The following GUCY1A1 variants were observed in gnomAD, a reference collection of about 807,000 sequenced individuals.
The protein encoded by GUCY1A1 is guanylate cyclase soluble subunit alpha-1.
A neutral mutation model predicts 64.5 loss-of-function variants in GUCY1A1; 48 were observed. The ratio of observed to expected loss-of-function variants is 0.74; its 90% CI spans 0.59 to 0.95. The LOEUF (loss-of-function observed/expected upper bound fraction) is 0.95, where lower values mean the gene tolerates loss of function less well. GUCY1A1 is among the 40% of genes least tolerant of loss of function. GUCY1A1 has a pLI of 0.00. For missense variants in GUCY1A1, 804 were observed against 825.3 expected, an observed-to-expected ratio of 0.97 and a Z score of 0.32; for synonymous variants, 308 against 303.4, an observed-to-expected ratio of 1.02 and a Z score of -0.16.
Position 155,713,163 on chromosome 4 carries a change from A to G in GUCY1A1, c.1152A>G (p.Ser384=). The G allele has an allele frequency of 6.2e-7, 1 of 1,613,846 alleles. No homozygotes were observed. The highest frequency in any genetic ancestry group is 1.1e-5 in the South Asian group (1 of 91,068). The change falls in exon 7 of 10, where the codon TCA becomes TCG. Residue 384 remains serine, a synonymous_variant. Coordinates refer to ENST00000506455, the MANE Select transcript of GUCY1A1 (RefSeq NM_001130682.3). ...CCAGTGCAATCTTGTTTTTGGGGTC[A>G]CCCTGTGTGGACAGATTAGAAGATT... ...VESSAILFLG[S]PCVDRLEDFT...
rs373007961 is a variant in GUCY1A1 at position 155,666,909 on chromosome 4, G to A, written c.-243G>A. On this transcript the variant is annotated 5_prime_UTR_variant, in exon 1 of 10. Transcript: ENST00000506455. The stretch of plus-strand genomic sequence containing the variant: ...ACAGACCCAGGCGGAGGACACCTGT[G>A]GGGGAGGGAGCGCCTGGAGGAGCTT... 6.6e-6 allele frequency: 1 copy of A among 152,300 alleles called. No individual in the cohort carries two copies. The highest frequency in any genetic ancestry group is 1.5e-5 in the Non-Finnish European group (1 of 68,178). 9.4% of individuals were successfully genotyped at this position (152,300 alleles called of 1,614,324 possible). A position where few individuals can be genotyped will look rare whatever the true frequency, so the allele number is the denominator to read the frequency against.
chr4:155,679,593 G>T (rs558912951), intron 2 of GUCY1A1, among the ~76,000 whole-genome samples: 1 of 152,112 alleles, frequency 6.6e-6, no homozygotes, highest in South Asian at 2.1e-4. Context: ...ACTGGCTATC[G>T]TGAGAACGGT....
chr4:155,674,603 C>T (rs1203047865), intron 2 of GUCY1A1, among the ~76,000 whole-genome samples: 1 of 151,230 alleles, frequency 6.6e-6, no homozygotes, highest in East Asian at 1.9e-4. Flanking sequence ...CAAAAACACA[C>T]ACCTTAGCAT....
At chr4:155,714,827 G>GA (rs1733025382) in intron 7 of GUCY1A1, among the ~76,000 whole-genome samples, 1 of 152,136 alleles carries the variant, frequency 6.6e-6, no homozygotes, top group South Asian at 2.1e-4. Flanking sequence ...TATACTTACA[G>GA]AAAAAATAAT....
chr4:155,711,288 T>G, intron 6 of GUCY1A1, 37 bp downstream of exon 6: 1 of 1,076,896 alleles, frequency 9.3e-7, no homozygotes. Flanking sequence ...ATATGAAAGC[T>G]ATTTCATATT....
chr4:155,730,651 A>G lies in GUCY1A1; in HGVS notation c.*420A>G, dbSNP rs1221099312. On this transcript the variant is annotated 3_prime_UTR_variant, in exon 10 of 10. Transcript: ENST00000506455. ...AAAAAGGTTTTTGAATAGAAATTAC[A>G]TTCTTTGACACCCTCAGTTCTTTCA... is the stretch of plus-strand genomic sequence containing the variant. 6.5e-6 allele frequency: 1 copy of G among 154,488 alleles called. No homozygotes were observed. Among genetic ancestry groups the G allele is most frequent in the Non-Finnish European group, 1.5e-5 (1 of 68,838 alleles). The allele number at this position is 154,488 out of a possible 1,614,324, so 9.6% of individuals were successfully genotyped here.
intron 4 of GUCY1A1, among the ~76,000 whole-genome samples, chr4:155,707,552 T>C (rs1043815527): frequency 6.6e-6 from 1 of 151,896 alleles, no homozygotes; most frequent in Non-Finnish European, 1.5e-5. Flanking sequence ...AAATTCAAAC[T>C]TTGAAGTACA....
intron 2 of GUCY1A1, among the ~76,000 whole-genome samples, chr4:155,686,974 A>G (rs148668833): frequency 6.6e-6 from 1 of 152,314 alleles, no homozygotes; most frequent in East Asian, 1.9e-4. Context: ...CTTTCTTGGT[A>G]TATTCTCTAA....
At chr4:155,714,774 T>TC (rs1400461959) in intron 7 of GUCY1A1, among the ~76,000 whole-genome samples, 1 of 152,178 alleles carries the variant, frequency 6.6e-6, no homozygotes, top group Non-Finnish European at 1.5e-5. Flanking sequence ...AACAGGAAAG[T>TC]CCAAACAGAG....
At chr4:155,683,300 C>T (rs1736071034) in intron 2 of GUCY1A1, among the ~76,000 whole-genome samples, 1 of 152,052 alleles carries the variant, frequency 6.6e-6, no homozygotes, top group Admixed American at 6.6e-5. Flanking sequence ...AATTGTGTGT[C>T]ATTTACAGAG....
chr4:155,673,183 CTTATA>C (rs1734391888), intron 2 of GUCY1A1, among the ~76,000 whole-genome samples: 2 of 151,144 alleles, frequency 1.3e-5, no homozygotes, highest in African/African-American at 2.5e-5. Flanking sequence ...TATTTTATGT[CTTATA>C]TTTTATAACA....
chr4:155,677,709 G>A (rs796293994), intron 2 of GUCY1A1, among the ~76,000 whole-genome samples: 39 of 152,032 alleles, frequency 2.6e-4, no homozygotes, highest in African/African-American at 8.2e-4. Context: ...AAAATTAGCC[G>A]GGCATGGTGG....
intron 5 of GUCY1A1, among the ~76,000 whole-genome samples, chr4:155,709,238 A>G (rs1732210272): frequency 6.6e-6 from 1 of 152,126 alleles, no homozygotes; most frequent in Non-Finnish European, 1.5e-5. Flanking sequence ...AAAACTGGAC[A>G]TCTGCCACCA....
intron 7 of GUCY1A1, among the ~76,000 whole-genome samples, chr4:155,714,539 G>T (rs1383326891): frequency 6.6e-6 from 1 of 152,142 alleles, no homozygotes; most frequent in Non-Finnish European, 1.5e-5. Flanking sequence ...AAATTACTTT[G>T]CTTTCTTTTA....
intron 3 of GUCY1A1, among the ~76,000 whole-genome samples, chr4:155,700,797 T>A (rs1263390202): frequency 1.3e-5 from 2 of 152,162 alleles, no homozygotes; most frequent in African/African-American, 2.4e-5. Flanking sequence ...TAGTAGGGTG[T>A]TTTAGTGATA....
intron 3 of GUCY1A1, among the ~76,000 whole-genome samples, chr4:155,698,882 A>G (rs1056067842): frequency 6.6e-6 from 1 of 152,112 alleles, no homozygotes; most frequent in Non-Finnish European, 1.5e-5. Flanking sequence ...CTTTCATTCC[A>G]GAATTTTTAC....
intron 5 of GUCY1A1, 144 bp from the exon 6 acceptor site, chr4:155,710,398 G>T (rs781244202): frequency 1.7e-5 from 10 of 576,262 alleles, no homozygotes; most frequent in Non-Finnish European, 3.1e-5. Flanking sequence ...TTGGATATAG[G>T]GGTTTCATTT....
chr4:155,675,211 A>G (rs1734736924), intron 2 of GUCY1A1, among the ~76,000 whole-genome samples: 1 of 151,640 alleles, frequency 6.6e-6, no homozygotes, highest in African/African-American at 2.4e-5. Flanking sequence ...CAGTTAAATG[A>G]TATGTGGTTT....
rs1735674968 is a variant in GUCY1A1, at chr4:155,680,969, ACACACACACACACG to A, written c.-113+13551_-113+13564del. On this transcript the variant is annotated intron_variant, in intron 2 of 9. Transcript: ENST00000506455. The stretch of plus-strand genomic sequence containing the variant: ...CACATGCACACACACACACACATGC[ACACACACACACACG>A]TGCACATAAACCTGCAACCTTTTGG... 2.1e-5 allele frequency among the ~76,000 whole-genome samples: 3 copies of A among 142,302 alleles called. No individual in the cohort carries two copies. The South Asian group carries it at 6.3e-4, about 30-fold the overall frequency. The allele number at this position is 142,302 out of a possible 152,430, so 93.4% of individuals were successfully genotyped here.
Sources: allele counts gnomAD v4.1 joint callset (sites outside exome capture counted in the v4.1 genomes callset), GRCh38; gene constraint gnomAD v4.1.1; transcripts MANE v1.5; gene names NCBI Gene and HGNC (gene_info 2026-07-23, HGNC 2026-07-21).